Variants in USP3 observed in about 807,000 individuals in gnomAD.
USP3 encodes the protein ubiquitin specific peptidase 3.
Under a neutral mutation model 72.3 loss-of-function variants are expected in USP3, and 20 were observed. That is an observed-to-expected ratio of 0.28 (90% confidence interval 0.19 to 0.40). The LOEUF is 0.40. Ranked by LOEUF, USP3 falls within the 10% of genes least tolerant of loss-of-function variation. The pLI is 1.00. For synonymous variants in USP3, 222 were observed against 225.3 expected (o/e 0.99, Z 0.13); for missense variants, 479 against 633.9 (o/e 0.76, Z 2.62).
At chr15:63,573,748 A>G (rs759838864) in intron 9 of USP3, among the ~76,000 whole-genome samples, 6 of 152,220 alleles carry the variant, frequency 3.9e-5, no homozygotes, top group Non-Finnish European at 5.9e-5. Flanking sequence ...TGCCCTGTGC[A>G]GAGTCATGCA....
At chr15:63,576,021 C>G (rs2066857424) in intron 11 of USP3, among the ~76,000 whole-genome samples, 3 of 136,070 alleles carry the variant, frequency 2.2e-5, no homozygotes, top group South Asian at 4.5e-4. Context: ...GAGTCTTGCT[C>G]TGTCGCCCAG....
chr15:63,526,638 C>T (rs2065986649), intron 1 of USP3, among the ~76,000 whole-genome samples: 2 of 152,142 alleles, frequency 1.3e-5, no homozygotes, highest in Admixed American at 1.3e-4. Flanking sequence ...TGATCTTGAA[C>T]AGTGATTCCA....
intron 9 of USP3, among the ~76,000 whole-genome samples, chr15:63,571,898 T>C (rs1288972312): frequency 2.6e-5 from 4 of 152,204 alleles, no homozygotes; most frequent in Non-Finnish European, 1.5e-5. Context: ...GGAAAAGCCA[T>C]TTCAGGATCT....
At chr15:63,573,968 A>G in intron 9 of USP3, 78 bp from the exon 10 acceptor site, 1 of 993,244 alleles carries the variant, frequency 1.0e-6, no homozygotes, top group African/African-American at 1.6e-5. Context: ...AGGGGCTTTA[A>G]CAAATATTTG....
chr15:63,587,103 C>T (rs995880871), intron 11 of USP3, among the ~76,000 whole-genome samples: 2 of 135,448 alleles, frequency 1.5e-5, no homozygotes, highest in Non-Finnish European at 2.9e-5. Flanking sequence ...TGCTACCCAA[C>T]TTTAATATAT....
intron 11 of USP3, among the ~76,000 whole-genome samples, chr15:63,584,054 ACC>A (rs2067010016): frequency 6.7e-6 from 1 of 148,426 alleles, no homozygotes; most frequent in Non-Finnish European, 1.5e-5. Context: ...CAGTGGCTGT[ACC>A]ATTTTACATT....
chr15:63,577,938 A>AG (rs1457956151), intron 11 of USP3, among the ~76,000 whole-genome samples: 1 of 151,798 alleles, frequency 6.6e-6, no homozygotes, highest in East Asian at 1.9e-4. Flanking sequence ...CAAAAAAAAA[A>AG]AAAAAAAAGT....
At chr15:63,568,352 T>TAAAAA (rs545943861) in intron 8 of USP3, among the ~76,000 whole-genome samples, 1 of 131,478 alleles carries the variant, frequency 7.6e-6, no homozygotes. Flanking sequence ...AGACTCCATC[T>TAAAAA]AAAAAAAAAA....
At position 63,544,575 on chromosome 15, in the gene USP3, T is replaced by C. The variant is rs988302828; in HGVS notation, c.284+7419T>C. ...TAGAATTTTTTAAAGGAAGTAAACC[T>C]ACATTAAATTTTAGGACAAGAAAAC... On this transcript the variant is annotated intron_variant, in intron 3 of 14. Coordinates refer to ENST00000380324, the MANE Select transcript of USP3 (RefSeq NM_006537.4). This position sits in a 1 kb window ranked among gnomAD's most constrained non-coding sequence, Gnocchi z 4.2. 3.6e-5 allele frequency: 22 copies of C among 611,606 alleles called. No individual in the cohort carries two copies. The highest frequency in any genetic ancestry group is 5.8e-5 in the Non-Finnish European group (20 of 344,092). 37.9% of individuals were successfully genotyped at this position (611,606 alleles called of 1,614,324 possible).
intron 1 of USP3, among the ~76,000 whole-genome samples, chr15:63,512,796 G>T (rs960103238): frequency 2.0e-5 from 3 of 152,122 alleles, no homozygotes; most frequent in African/African-American, 7.2e-5. Context: ...TGCTCTTTAT[G>T]GATGTATACA....
chr15:63,512,170 T>C (rs752165680), intron 1 of USP3, among the ~76,000 whole-genome samples: 35 of 152,046 alleles, frequency 2.3e-4, no homozygotes, highest in Non-Finnish European at 5.0e-4. Flanking sequence ...ATTCCTGACC[T>C]CGTGATCCTC....
At chr15:63,556,572 C>T in intron 4 of USP3, 95 bp from the exon 5 acceptor site, 1 of 930,072 alleles carries the variant, frequency 1.1e-6, no homozygotes, top group Non-Finnish European at 1.6e-6. Flanking sequence ...GTCTCCATGC[C>T]CTAGGTGTTG....
At chr15:63,554,049 AT>A (rs2066471841) in intron 4 of USP3, among the ~76,000 whole-genome samples, 1 of 152,316 alleles carries the variant, frequency 6.6e-6, no homozygotes, top group African/African-American at 2.4e-5. Flanking sequence ...TCTTTAAAAA[AT>A]ATTACCCAAC....
chr15:63,537,687 A>G (rs974202129), intron 3 of USP3, among the ~76,000 whole-genome samples: 12 of 151,734 alleles, frequency 7.9e-5, no homozygotes, highest in Non-Finnish European at 1.5e-4. Flanking sequence ...TTTCCAGGCT[A>G]TTTTTTCTTT....
chr15:63,575,802 T>C (rs2066853860), intron 11 of USP3, among the ~76,000 whole-genome samples: 1 of 152,142 alleles, frequency 6.6e-6, no homozygotes, highest in Non-Finnish European at 1.5e-5. Flanking sequence ...TGTGAGTACA[T>C]GCTAACTTAA....
chr15:63,554,752 A>G (rs189165211), intron 4 of USP3, among the ~76,000 whole-genome samples: 30 of 152,368 alleles, frequency 2.0e-4, no homozygotes, highest in African/African-American at 6.5e-4. Flanking sequence ...CTCATTGACT[A>G]ACTAGATGAT....
In USP3 at chr15:63,574,728, G is replaced by A. The variant is rs373503743; in HGVS notation, c.1096+325G>A. 7.9e-5 allele frequency among the ~76,000 whole-genome samples: 12 copies of A among 152,250 alleles called. No homozygotes were observed. The highest frequency in any genetic ancestry group is 5.8e-4 in the East Asian group (3 of 5,190). On this transcript the variant is annotated intron_variant, in intron 11 of 14. Coordinates refer to ENST00000380324, the MANE Select transcript of USP3 (RefSeq NM_006537.4). The surrounding 1 kb of genome is among the most constrained non-coding windows in gnomAD (Gnocchi z 4.6). ...TGTGGTTATCCCACTAGCATCTATA[G>A]GAAGAAAGAATACTCAGCAGAGTTT...
intron 9 of USP3, among the ~76,000 whole-genome samples, chr15:63,573,018 A>AAG (rs1566913274): frequency 6.6e-6 from 1 of 152,102 alleles, no homozygotes; most frequent in Non-Finnish European, 1.5e-5. Context: ...TGCGTGTAGT[A>AAG]AGTGCTATTA....
At chr15:63,589,200 T>A (rs1191068150) in intron 14 of USP3, 189 bp downstream of exon 14, 2 of 608,136 alleles carry the variant, frequency 3.3e-6, no homozygotes, top group Admixed American at 3.3e-5. Flanking sequence ...GGAAGGTAAA[T>A]AAAAGTGAAA....
Sources: allele counts gnomAD v4.1 joint callset (sites outside exome capture counted in the v4.1 genomes callset), GRCh38; gene constraint gnomAD v4.1.1; non-coding constraint Gnocchi (gnomAD v3.1); transcripts MANE v1.5; gene names NCBI Gene and HGNC (gene_info 2026-07-23, HGNC 2026-07-21).